VWA5B1: variants seen among roughly 807,000 people sequenced by gnomAD.
VWA5B1 encodes von Willebrand factor A domain containing 5B1.
Under a neutral mutation model 118.2 loss-of-function variants are expected in VWA5B1, and 115 were observed. That is an observed-to-expected ratio of 0.97 (90% CI 0.84 to 1.14). The LOEUF (loss-of-function observed/expected upper bound fraction) is 1.14, where lower values mean the gene tolerates loss of function less well. Among genes scored for constraint, VWA5B1 ranks in the 50% most tolerant of loss-of-function variants. VWA5B1 has a pLI of 0.00. For missense variants in VWA5B1, 1,596 were observed against 1,603.8 expected (o/e 1.00, Z 0.08); for synonymous variants, 682 against 658.4 (o/e 1.04, Z -0.55).
At chr1:20,310,381 G>A (rs1014593294) in intron 1 of VWA5B1, among the ~76,000 whole-genome samples, 195 bp from the exon 2 acceptor site, 1 of 152,190 alleles carries the variant, frequency 6.6e-6, no homozygotes, top group African/African-American at 2.4e-5. Flanking sequence ...ATGAAAGGAA[G>A]AGAACGGCCA....
chr1:20,313,125 G>A, intron 3 of VWA5B1, 137 bp downstream of exon 3: 4 of 1,220,606 alleles, frequency 3.3e-6, no homozygotes, highest in Admixed American at 2.8e-5. Flanking sequence ...AAGAATCTTG[G>A]ACAGAATCCT....
At chr1:20,345,307 A>G (rs2089982624) in intron 16 of VWA5B1, 149 bp from the exon 17 acceptor site, 4 of 887,898 alleles carry the variant, frequency 4.5e-6, no homozygotes, top group Non-Finnish European at 6.7e-6. Context: ...GTCTTTAGTT[A>G]GCAAGTTGGC....
At chr1:20,314,236 G>A (rs1028970794) in intron 3 of VWA5B1, 86 bp from the exon 4 acceptor site, 6 of 1,374,896 alleles carry the variant, frequency 4.4e-6, no homozygotes, top group African/African-American at 1.4e-5. Context: ...TCAGCAAAAT[G>A]GGCCACTCAC....
intron 19 of VWA5B1, 63 bp downstream of exon 19, chr1:20,350,293 G>A: frequency 6.5e-7 from 1 of 1,531,904 alleles, no homozygotes; most frequent in Non-Finnish European, 8.8e-7. Context: ...CCTGGGGTCA[G>A]GAGAGTATCT....
At position 20,343,111 on chromosome 1, in the gene VWA5B1, G is replaced by T; in HGVS notation, c.2344G>T (p.Glu782Ter). Reference sequence around the variant, plus strand: ...CCACCATCCCTCTGCCTTCGAGACAGAGACGTCCTCGGACTGGGACCCCCC... The same window carrying T: ...CCACCATCCCTCTGCCTTCGAGACATAGACGTCCTCGGACTGGGACCCCCC... ...PSHHPSAFET[E>*]TSSDWDPPAE... The change falls in exon 16 of 22, where the codon GAG (glutamate) becomes TAG (stop). Residue 782 changes from glutamate (E) to a stop codon, truncating the protein, a stop_gained. Coordinates refer to ENST00000289815, the MANE Select transcript of VWA5B1 (RefSeq NM_001039500.3). LOFTEE classifies it high-confidence loss of function. 1 of 1,536,940 alleles carries T rather than the reference G, an allele frequency of 6.5e-7. No individual in the cohort carries two copies. The highest frequency in any genetic ancestry group is 1.4e-5 in the African/African-American group (1 of 72,804).
At chr1:20,295,704 G>A (rs1301885014) in intron 1 of VWA5B1, among the ~76,000 whole-genome samples, 1 of 152,188 alleles carries the variant, frequency 6.6e-6, no homozygotes, top group African/African-American at 2.4e-5. Flanking sequence ...GGCAGCTGGA[G>A]TGATGGTCCC....
chr1:20,312,782 G>A (rs761867354), intron 2 of VWA5B1, 54 bp from the exon 3 acceptor site: 80 of 1,492,308 alleles, frequency 5.4e-5, no homozygotes, highest in Admixed American at 3.4e-4. Flanking sequence ...TCCAGGCAAG[G>A]GGTGTGCAGG....
Position 20,343,482 on chromosome 1 carries a change from C to T in VWA5B1, c.2626+89C>T, listed in dbSNP as rs1230480498. The T allele has an allele frequency of 3.5e-6, 5 of 1,441,340 alleles. No homozygotes were observed. In the Admixed American group the frequency reaches 7.9e-5, roughly 23 times the overall value. 89.3% of individuals were successfully genotyped at this position (1,441,340 alleles called of 1,614,324 possible). A position where few individuals can be genotyped will look rare whatever the true frequency, so the allele number is the denominator to read the frequency against. On this transcript the variant is annotated intron_variant, in intron 16 of 21. Transcript: ENST00000289815. ...CCGCTCCCCCTTCCCCACCCGCCCC[C>T]GGTGATCCTCTCAGCCCCGCGTGGT... is the stretch of plus-strand genomic sequence containing the variant.
intron 17 of VWA5B1, 126 bp downstream of exon 17, chr1:20,345,719 G>GT (rs965827846): frequency 3.7e-6 from 5 of 1,345,572 alleles, no homozygotes; most frequent in Non-Finnish European, 3.9e-6. Context: ...CCTAGAAGCA[G>GT]AAAGGCCCCC....
chr1:20,333,067 A>G, intron 12 of VWA5B1, 116 bp downstream of exon 12: 7 of 1,285,872 alleles, frequency 5.4e-6, no homozygotes, highest in African/African-American at 1.5e-5. Flanking sequence ...GTGGGTTTGC[A>G]GCTGTGGGTT....
Position 20,330,896 on chromosome 1 carries a change from C to T in VWA5B1, c.1485C>T (p.Asn495=), listed in dbSNP as rs372275354. The T allele has an allele frequency of 4.3e-4, 669 of 1,551,756 alleles. 3 individuals are homozygous for T. Among genetic ancestry groups the T allele is most frequent in the Middle Eastern group, 8.3e-4 (5 of 5,990 alleles). The change falls in exon 11 of 22, where the codon AAC becomes AAT. Residue 495 remains asparagine (N), a synonymous_variant. Transcript: ENST00000289815. ...TRCYSFGIGP[N]VCHRLVKGLA... ...GCTATAGCTTTGGAATTGGACCCAA[C>T]GTCTGCCACAGACTGGTGAAAGGAC...
chr1:20,314,260 G>A, intron 3 of VWA5B1, 62 bp from the exon 4 acceptor site: 1 of 1,500,610 alleles, frequency 6.7e-7, no homozygotes, highest in Non-Finnish European at 9.0e-7. Flanking sequence ...TACCACAACA[G>A]CAATCTTAGA....
chr1:20,322,931 A>G (rs893194988), intron 7 of VWA5B1, among the ~76,000 whole-genome samples: 11 of 152,218 alleles, frequency 7.2e-5, no homozygotes, highest in African/African-American at 2.7e-4. Flanking sequence ...TTCACAGCCA[A>G]CATGAGCCAG....
rs115868542 is a variant in VWA5B1, at chr1:20,354,558, G to T, written c.*295G>T. The T allele has an allele frequency of 6.7e-3, 2,772 of 412,584 alleles. 60 individuals carry two copies. Among genetic ancestry groups the T allele is most frequent in the African/African-American group, 0.05 (2,439 of 48,860 alleles). The allele number at this position is 412,584 out of a possible 1,614,324, so 25.6% of individuals were successfully genotyped here. ...TCAAATGGTTCAGTGGTTCCTTTCTGCCCATTCAGGCAGTCCCGGGCTGAC... is the reference window on the plus strand; with the variant it reads ...TCAAATGGTTCAGTGGTTCCTTTCTTCCCATTCAGGCAGTCCCGGGCTGAC... On this transcript the variant is annotated 3_prime_UTR_variant, in exon 22 of 22. Transcript: ENST00000289815.
rs1409435255 is a variant in VWA5B1 at position 20,330,964 on chromosome 1, G to C, written c.1553G>C (p.Gly518Ala). Reference protein sequence around the residue: ...SEGSAELLMEGERLQPKMVKS... With the variant: ...SEGSAELLMEAERLQPKMVKS... ...GGCAGTGCTGAGCTCCTGATGGAGG[G>C]GGAGCGGCTGCAACCCAAGGTAGGC... is the stretch of plus-strand genomic sequence containing the variant. Residue 518 changes from glycine to alanine, a missense_variant, in exon 11 of 22, where the codon GGG (glycine) becomes GCG (alanine). By Grantham distance (60) the Gly-to-Ala change is moderately conservative. Coordinates refer to ENST00000289815, the MANE Select transcript of VWA5B1 (RefSeq NM_001039500.3). 6.5e-7 allele frequency: 1 copy of C among 1,549,534 alleles called. No individual in the cohort carries two copies. The highest frequency in any genetic ancestry group is 1.4e-5 in the African/African-American group (1 of 73,112).
intron 1 of VWA5B1, among the ~76,000 whole-genome samples, chr1:20,302,386 C>A (rs2088525633): frequency 6.6e-6 from 1 of 152,222 alleles, no homozygotes; most frequent in Admixed American, 6.5e-5. Flanking sequence ...ACATTTCATT[C>A]TATTTATTTG....
Position 20,310,751 on chromosome 1 carries a change from C to T in VWA5B1, c.139+11C>T, listed in dbSNP as rs769977916. 3.2e-5 allele frequency: 49 copies of T among 1,531,312 alleles called. 1 individual carries two copies. In the South Asian group the frequency reaches 5.8e-4, roughly 18 times the overall value. The allele number at this position is 1,531,312 out of a possible 1,614,324, so 94.9% of individuals were successfully genotyped here. ...CCCAGCCCTTCCAGGGTAAGGACACCTGCTGGGGCCTCCCCGGGACCACCC... is the reference window on the plus strand; with the variant it reads ...CCCAGCCCTTCCAGGGTAAGGACACTTGCTGGGGCCTCCCCGGGACCACCC... On this transcript the variant is annotated intron_variant, in intron 2 of 21. Transcript: ENST00000289815.
intron 11 of VWA5B1, among the ~76,000 whole-genome samples, chr1:20,331,288 T>C (rs1349683647): frequency 6.6e-6 from 1 of 152,222 alleles, no homozygotes; most frequent in Non-Finnish European, 1.5e-5. Flanking sequence ...TTGAGGTCCA[T>C]ATCTGGACAT....
chr1:20,324,887 T>C (rs935039968), intron 8 of VWA5B1, among the ~76,000 whole-genome samples: 2 of 152,142 alleles, frequency 1.3e-5, no homozygotes. Flanking sequence ...CTGCCCACCG[T>C]CAGAGGCAAA....
Sources: gnomAD v4.1 joint callset for allele counts (sites outside exome capture counted in the v4.1 genomes callset) on GRCh38, gnomAD v4.1.1 for gene constraint, MANE v1.5 for transcripts, NCBI Gene and HGNC (gene_info 2026-07-23, HGNC 2026-07-21) for gene names.